The following GALNT10 variants were observed in gnomAD, a reference collection of about 807,000 sequenced individuals.
The protein encoded by GALNT10 is GalNAc transferase 10.
GALNT10 carries 41 observed loss-of-function variants against 75.0 expected under a neutral mutation model. That is an observed-to-expected ratio of 0.55 (90% CI 0.43 to 0.71). The LOEUF (loss-of-function observed/expected upper bound fraction) is 0.71. Among genes scored for constraint, GALNT10 ranks in the 30% least tolerant of loss-of-function variants. The pLI is 0.00. For missense variants in GALNT10, 727 were observed against 818.5 expected (o/e 0.89, Z 1.36); for synonymous variants, 302 against 313.0 (o/e 0.96, Z 0.37).
intron 1 of GALNT10, among the ~76,000 whole-genome samples, chr5:154,256,456 A>G (rs1167348686): frequency 6.7e-6 from 1 of 149,064 alleles, no homozygotes; most frequent in Admixed American, 6.7e-5. Flanking sequence ...ATTCAGTTTC[A>G]TCTGTTTTCA....
intron 1 of GALNT10, among the ~76,000 whole-genome samples, chr5:154,255,267 A>G (rs998445920): frequency 3.3e-5 from 5 of 152,142 alleles, no homozygotes; most frequent in Admixed American, 6.6e-5. Flanking sequence ...TCATCAAGGT[A>G]TATCCCTCAA....
chr5:154,230,421 A>C (rs1036164980), intron 1 of GALNT10, among the ~76,000 whole-genome samples: 2 of 152,198 alleles, frequency 1.3e-5, no homozygotes, highest in Non-Finnish European at 2.9e-5. Flanking sequence ...TAGAAGCCCT[A>C]AGTGGACACA....
In GALNT10 at chr5:154,418,634, T is replaced by G. The variant is rs1287275810; in HGVS notation, c.*1662T>G. The G allele has an allele frequency of 6.6e-6, 1 of 152,170 alleles. No homozygotes were observed. Among genetic ancestry groups the G allele is most frequent in the Non-Finnish European group, 1.5e-5 (1 of 68,034 alleles). 9.4% of individuals were successfully genotyped at this position (152,170 alleles called of 1,614,324 possible). On this transcript the variant is annotated 3_prime_UTR_variant, in exon 12 of 12. Transcript: ENST00000297107. ...AATCTGCCTTTGAGATGCTGGCAGATCTCAAGGCCATCAATTATTGGGGGA... is the reference window on the plus strand; with the variant it reads ...AATCTGCCTTTGAGATGCTGGCAGAGCTCAAGGCCATCAATTATTGGGGGA...
chr5:154,389,850 C>T (rs145626186), intron 7 of GALNT10, among the ~76,000 whole-genome samples: 2 of 151,970 alleles, frequency 1.3e-5, no homozygotes, highest in African/African-American at 2.4e-5. Context: ...GTCTGTATTA[C>T]TGTATAGAAT....
At chr5:154,197,859 C>T (rs1447963763) in intron 1 of GALNT10, among the ~76,000 whole-genome samples, 1 of 152,130 alleles carries the variant, frequency 6.6e-6, no homozygotes, top group Non-Finnish European at 1.5e-5. Flanking sequence ...GGTGCTTGCC[C>T]AAGGATGCAC....
At chr5:154,226,900 T>G (rs1023804777) in intron 1 of GALNT10, among the ~76,000 whole-genome samples, 1 of 152,128 alleles carries the variant, frequency 6.6e-6, no homozygotes, top group Non-Finnish European at 1.5e-5. Flanking sequence ...TAGATTAGTT[T>G]GTATTTTCTA....
intron 1 of GALNT10, among the ~76,000 whole-genome samples, chr5:154,244,958 A>G (rs529754026): frequency 6.6e-6 from 1 of 152,226 alleles, no homozygotes; most frequent in South Asian, 2.1e-4. Context: ...TAAGATAGAG[A>G]TTGGGGGTGC....
chr5:154,299,831 ATTTTTTT>A (rs4032070), intron 3 of GALNT10, among the ~76,000 whole-genome samples: 1 of 130,434 alleles, frequency 7.7e-6, no homozygotes, highest in Non-Finnish European at 1.6e-5. Flanking sequence ...CAAATCCCAG[ATTTTTTT>A]TTTTTTTTTT....
rs1328470522 is a variant in GALNT10 at position 154,252,102 on chromosome 5, T to A, written c.160-42714T>A. Among the ~76,000 whole-genome samples, 3 of 152,214 alleles carry A rather than the reference T, an allele frequency of 2.0e-5. No individual in the cohort carries two copies. The East Asian group carries it at 5.8e-4, about 29-fold the overall frequency. On this transcript the variant is annotated intron_variant, in intron 1 of 11. Coordinates refer to ENST00000297107, the MANE Select transcript of GALNT10 (RefSeq NM_198321.4). The stretch of plus-strand genomic sequence containing the variant: ...TGTTATACACACAACAATATCAGAA[T>A]AGCAATACTAATGCTACCGCTGATA...
intron 1 of GALNT10, among the ~76,000 whole-genome samples, chr5:154,244,442 AC>A (rs1378530039): frequency 1.3e-5 from 2 of 152,086 alleles, no homozygotes; most frequent in Admixed American, 1.3e-4. Context: ...AATTATTTCA[AC>A]CTGCTTTGAA....
intron 3 of GALNT10, among the ~76,000 whole-genome samples, chr5:154,317,261 G>A (rs1754607313): frequency 6.6e-6 from 1 of 152,222 alleles, no homozygotes; most frequent in African/African-American, 2.4e-5. Flanking sequence ...GGAATTGAAT[G>A]TATGTTATAG....
intron 1 of GALNT10, among the ~76,000 whole-genome samples, chr5:154,282,820 C>T (rs910415274): frequency 3.3e-5 from 5 of 152,222 alleles, no homozygotes; most frequent in Non-Finnish European, 7.3e-5. Context: ...GATGTCTCCA[C>T]TCATTCATTC....
In GALNT10 at chr5:154,380,542, C is replaced by T. The variant is rs1364445769; in HGVS notation, c.849C>T (p.Ala283=). ...DFRYETQAGD[A]MRGAFDWEMY... is the part of the protein sequence containing the mutation. ...GGTACGAGACACAGGCAGGGGATGC[C>T]ATGCGGGGAGCCTTTGACTGGGAGA... The change falls in exon 6 of 12, where the codon GCC becomes GCT. Residue 283 remains alanine, a synonymous_variant. Coordinates refer to ENST00000297107, the MANE Select transcript of GALNT10 (RefSeq NM_198321.4). The T allele has an allele frequency of 6.2e-7, 1 of 1,613,758 alleles. No individual in the cohort carries two copies. Among genetic ancestry groups the T allele is most frequent in the Admixed American group, 1.7e-5 (1 of 60,014 alleles).
chr5:154,203,384 C>T (rs1489911512), intron 1 of GALNT10, among the ~76,000 whole-genome samples: 2 of 152,332 alleles, frequency 1.3e-5, no homozygotes, highest in East Asian at 3.9e-4. Context: ...TATCTTTTAT[C>T]ATATCCAGTC....
intron 7 of GALNT10, among the ~76,000 whole-genome samples, chr5:154,396,712 T>C (rs1756025177): frequency 6.6e-6 from 1 of 152,198 alleles, no homozygotes; most frequent in Non-Finnish European, 1.5e-5. Flanking sequence ...AAACCTAATG[T>C]AAAGTAACCA....
Position 154,389,030 on chromosome 5 carries a change from T to C in GALNT10, c.1056+2600T>C, listed in dbSNP as rs531073901. The C allele has an allele frequency of 3.0e-4, 45 of 151,532 alleles. 1 individual carries two copies. The highest frequency in any genetic ancestry group is 2.9e-3 in the Admixed American group (44 of 15,244). 9.4% of individuals were successfully genotyped at this position (151,532 alleles called of 1,614,324 possible). A position where few individuals can be genotyped will look rare whatever the true frequency, so the allele number is the denominator to read the frequency against. The stretch of plus-strand genomic sequence containing the variant: ...CCCTGCCAGGCCAACTCTGATCCAT[T>C]GGTAGGGGCTGCCCCAGGTGGGTGT... On this transcript the variant is annotated intron_variant, in intron 7 of 11. Coordinates refer to ENST00000297107, the MANE Select transcript of GALNT10 (RefSeq NM_198321.4).
intron 1 of GALNT10, among the ~76,000 whole-genome samples, chr5:154,210,145 C>G (rs1775172321): frequency 6.6e-6 from 1 of 152,146 alleles, no homozygotes; most frequent in Non-Finnish European, 1.5e-5. Context: ...ACTGGGAAAG[C>G]CTAAGTGGCT....
rs559860867 is a variant in GALNT10, at chr5:154,278,240, C to A, written c.160-16576C>A. ...ATTGCACACTGCCAAGGGGAAGAAT[C>A]ATGTTGTATTCTCCCTCATCAACCC... On this transcript the variant is annotated intron_variant, in intron 1 of 11. Coordinates refer to ENST00000297107, the MANE Select transcript of GALNT10 (RefSeq NM_198321.4). Among the ~76,000 whole-genome samples the A allele has an allele frequency of 2.0e-3, 292 of 144,772 alleles. 2 individuals carry two copies. Among genetic ancestry groups the A allele is most frequent in the Non-Finnish European group, 2.8e-3 (182 of 65,642 alleles). The allele number at this position is 144,772 out of a possible 152,430, so 95.0% of individuals were successfully genotyped here.
chr5:154,316,446 G>A (rs13182399), intron 3 of GALNT10, among the ~76,000 whole-genome samples: 2 of 152,156 alleles, frequency 1.3e-5, no homozygotes, highest in African/African-American at 2.4e-5. Context: ...TATTCATGGC[G>A]TGCTTGTTGA....
Sources: gnomAD v4.1 joint callset for allele counts (sites outside exome capture counted in the v4.1 genomes callset) on GRCh38, gnomAD v4.1.1 for gene constraint, MANE v1.5 for transcripts, NCBI Gene and HGNC (gene_info 2026-07-23, HGNC 2026-07-21) for gene names.